ATP11A: variants seen among roughly 807,000 people sequenced by gnomAD.
ATP11A encodes phospholipid-transporting ATPase IH.
Under a neutral mutation model 154.4 loss-of-function variants are expected in ATP11A, and 81 were observed. The ratio of observed to expected loss-of-function variants is 0.52; its 90% CI spans 0.44 to 0.63. ATP11A has a LOEUF of 0.63. Ranked by LOEUF, ATP11A falls within the 30% of genes least tolerant of loss-of-function variation. The pLI is 0.00. For synonymous variants in ATP11A, 623 were observed against 585.9 expected, an observed-to-expected ratio of 1.06 and a Z score of -0.91; for missense variants, 1,316 against 1,474.3, an observed-to-expected ratio of 0.89 and a Z score of 1.76.
intron 1 of ATP11A, among the ~76,000 whole-genome samples, chr13:112,723,345 C>T (rs1170742849): frequency 2.5e-4 from 3 of 12,162 alleles, no homozygotes. Flanking sequence ...GATCTCGGCT[C>T]ACTGCACCCT....
At chr13:112,820,212 C>T (rs191381042) in intron 8 of ATP11A, among the ~76,000 whole-genome samples, 9 of 152,322 alleles carry the variant, frequency 5.9e-5, no homozygotes, top group Admixed American at 3.9e-4. Context: ...GGCCAGGAGG[C>T]GTCAGGGTCC....
At chr13:112,809,644 G>T (rs1207935048) in intron 4 of ATP11A, among the ~76,000 whole-genome samples, 1 of 152,148 alleles carries the variant, frequency 6.6e-6, no homozygotes, top group African/African-American at 2.4e-5. Context: ...TTCCAATTTC[G>T]ACACTCATTA....
chr13:112,727,053 C>CT (rs1039400845), intron 1 of ATP11A, among the ~76,000 whole-genome samples: 3 of 151,842 alleles, frequency 2.0e-5, no homozygotes, highest in East Asian at 3.9e-4. Context: ...GCTGCTGCTT[C>CT]TTTTTTTTTC....
At chr13:112,776,443 G>C (rs747475584) in intron 1 of ATP11A, among the ~76,000 whole-genome samples, 23 of 152,172 alleles carry the variant, frequency 1.5e-4, no homozygotes, top group Admixed American at 9.2e-4. Context: ...CCCTCAAAAG[G>C]CAGGTGTCTA....
intron 1 of ATP11A, among the ~76,000 whole-genome samples, chr13:112,710,460 A>G (rs1887608717): frequency 6.6e-6 from 1 of 152,096 alleles, no homozygotes; most frequent in Admixed American, 6.5e-5. Context: ...CTTCTCCTGT[A>G]CCACTGCCCT....
intron 28 of ATP11A, among the ~76,000 whole-genome samples, chr13:112,877,046 A>C (rs1014108458): frequency 6.6e-6 from 1 of 152,216 alleles, no homozygotes; most frequent in Non-Finnish European, 1.5e-5. Flanking sequence ...AGTTTGTAAA[A>C]TCAGAGCGAG....
rs1445458344 is a variant in ATP11A, at chr13:112,882,121, G to A, written c.*255G>A. 18 of 1,336,046 alleles carry A rather than the reference G, an allele frequency of 1.3e-5. No homozygotes were observed. Among genetic ancestry groups the A allele is most frequent in the Non-Finnish European group, 1.8e-5 (18 of 1,006,150 alleles). 82.8% of individuals were successfully genotyped at this position (1,336,046 alleles called of 1,614,324 possible). A position where few individuals can be genotyped will look rare whatever the true frequency, so the allele number is the denominator to read the frequency against. On this transcript the variant is annotated 3_prime_UTR_variant, in exon 30 of 30. Transcript: ENST00000375645. This position sits in a 1 kb window ranked among gnomAD's most constrained non-coding sequence, Gnocchi z 5.1. Reference sequence around the variant, plus strand: ...CGTGCCTCTTCCTGGCCCCCAGCAGGCAAGGAGGGGGGTCACAGGCCTTGC... The same window carrying A: ...CGTGCCTCTTCCTGGCCCCCAGCAGACAAGGAGGGGGGTCACAGGCCTTGC...
chr13:112,720,855 A>G (rs967690369), intron 1 of ATP11A, among the ~76,000 whole-genome samples: 3 of 152,182 alleles, frequency 2.0e-5, no homozygotes, highest in Non-Finnish European at 2.9e-5. Flanking sequence ...CTACTTTGAC[A>G]TCAGTACCTA....
chr13:112,835,141 T>G (rs1410981861), intron 15 of ATP11A, among the ~76,000 whole-genome samples: 1 of 151,970 alleles, frequency 6.6e-6, no homozygotes, highest in Non-Finnish European at 1.5e-5. Flanking sequence ...AGTCACCAGT[T>G]TGATGTTGGA....
chr13:112,802,731 A>G (rs552959840), intron 2 of ATP11A, among the ~76,000 whole-genome samples: 2 of 152,310 alleles, frequency 1.3e-5, no homozygotes, highest in African/African-American at 4.8e-5. Flanking sequence ...TTTTTGGATA[A>G]CACCAAAAAC....
In ATP11A at chr13:112,859,828, C is replaced by T. The variant is rs569434598; in HGVS notation, c.2727+376C>T. Among the ~76,000 whole-genome samples the T allele has an allele frequency of 5.3e-5, 8 of 152,360 alleles. No individual in the cohort carries two copies. In the East Asian group the frequency reaches 1.2e-3, roughly 22 times the overall value. On this transcript the variant is annotated intron_variant, in intron 23 of 29. Coordinates refer to ENST00000375645, the MANE Select transcript of ATP11A (RefSeq NM_015205.3). This position sits in a 1 kb window ranked among gnomAD's most constrained non-coding sequence, Gnocchi z 4.3. The stretch of plus-strand genomic sequence containing the variant: ...GCCACCCCGGTGCCTGGCACGTTAA[C>T]ACATGCAACGTGCCCATAGGGGAAG...
chr13:112,756,330 G>C (rs1255343183), intron 1 of ATP11A, among the ~76,000 whole-genome samples: 4 of 152,184 alleles, frequency 2.6e-5, no homozygotes, highest in Non-Finnish European at 5.9e-5. Flanking sequence ...CAGGAAAGGG[G>C]AAAGTGTTTT....
Position 112,825,472 on chromosome 13 carries a change from C to A in ATP11A, c.915C>A (p.Ile305=). The change falls in exon 11 of 30, where the codon ATC becomes ATA. Residue 305 remains isoleucine (I), a synonymous_variant. Coordinates refer to ENST00000375645, the MANE Select transcript of ATP11A (RefSeq NM_015205.3). The part of the protein sequence containing the change: ...AFLIVYLCIL[I]SKALINTVLK... The stretch of plus-strand genomic sequence containing the variant: ...TCATTGTGTATCTCTGCATTCTGAT[C>A]AGCAAAGCCCTGATAAACACTGTGC... 6.2e-7 allele frequency: 1 copy of A among 1,613,750 alleles called. No homozygotes were observed. Among genetic ancestry groups the A allele is most frequent in the Non-Finnish European group, 8.5e-7 (1 of 1,179,850 alleles).
At chr13:112,824,661 C>G (rs545290481) in intron 10 of ATP11A, among the ~76,000 whole-genome samples, 2 of 152,306 alleles carry the variant, frequency 1.3e-5, no homozygotes, top group African/African-American at 2.4e-5. Context: ...CTGCCTCTTA[C>G]GGACGCCCTG....
chr13:112,693,373 G>A (rs1467657500), intron 1 of ATP11A, among the ~76,000 whole-genome samples: 1 of 151,642 alleles, frequency 6.6e-6, no homozygotes, highest in East Asian at 1.9e-4. Flanking sequence ...TGTATGTGCT[G>A]TGGGGTAGTG....
intron 2 of ATP11A, among the ~76,000 whole-genome samples, chr13:112,802,322 G>A (rs1423691041): frequency 6.6e-6 from 1 of 151,978 alleles, no homozygotes; most frequent in African/African-American, 2.4e-5. Context: ...CTCCAGCCTG[G>A]GCAACAGAGC....
chr13:112,718,656 G>A (rs1294676279), intron 1 of ATP11A, among the ~76,000 whole-genome samples: 1 of 146,402 alleles, frequency 6.8e-6, no homozygotes, highest in African/African-American at 2.5e-5. Context: ...GACCAGGGTG[G>A]GCTTGCAGGC....
chr13:112,834,564 C>T, intron 14 of ATP11A, 25 bp from the exon 15 acceptor site: 1 of 1,524,046 alleles, frequency 6.6e-7, no homozygotes, highest in Non-Finnish European at 9.1e-7. Context: ...TCAGATTCAC[C>T]CCGAGGTTTC....
chr13:112,809,110 T>C (rs894227304), intron 4 of ATP11A, among the ~76,000 whole-genome samples: 1 of 152,240 alleles, frequency 6.6e-6, no homozygotes, highest in African/African-American at 2.4e-5. Context: ...TGTGGGCCCC[T>C]GGTGCCTGGC....
Sources: allele counts gnomAD v4.1 joint callset (sites outside exome capture counted in the v4.1 genomes callset), GRCh38; gene constraint gnomAD v4.1.1; non-coding constraint Gnocchi (gnomAD v3.1); transcripts MANE v1.5; gene names NCBI Gene and HGNC (gene_info 2026-07-23, HGNC 2026-07-21).